Variants in NPLOC4 observed in about 807,000 individuals in gnomAD.
NPLOC4 encodes NPL4 homolog, ubiquitin recognition factor.
Under a neutral mutation model 80.6 loss-of-function variants are expected in NPLOC4, and 18 were observed. That is an observed-to-expected ratio of 0.22 (90% CI 0.15 to 0.33). The LOEUF is 0.33. Ranked by LOEUF, NPLOC4 falls within the 10% of genes least tolerant of loss-of-function variation. The probability of loss-of-function intolerance (pLI) is 1.00; values close to 1 mark genes in which losing one functional copy is unlikely to be tolerated. For missense variants in NPLOC4, 540 were observed against 786.1 expected (o/e 0.69, Z 3.74); for synonymous variants, 313 against 301.5 (o/e 1.04, Z -0.39).
intron 9 of NPLOC4, among the ~76,000 whole-genome samples, chr17:81,599,727 C>T (rs1361118301): frequency 6.6e-6 from 1 of 152,190 alleles, no homozygotes; most frequent in African/African-American, 2.4e-5. Context: ...TTCCTGGGAA[C>T]TGTATCAATG....
At chr17:81,620,307 C>A (rs1441678233) in intron 3 of NPLOC4, among the ~76,000 whole-genome samples, 8 of 152,002 alleles carry the variant, frequency 5.3e-5, no homozygotes. Flanking sequence ...ACCAGCTTGG[C>A]CAACTTAGTG....
At chr17:81,565,425 C>G in intron 16 of NPLOC4, 80 bp downstream of exon 16, 1 of 1,211,344 alleles carries the variant, frequency 8.3e-7, no homozygotes, top group Non-Finnish European at 1.2e-6. Flanking sequence ...AGGGCACCAC[C>G]GGCAGTGGGG....
chr17:81,563,702 G>T (rs570880218), intron 16 of NPLOC4: 8 of 305,570 alleles, frequency 2.6e-5, no homozygotes, highest in African/African-American at 1.4e-4. Context: ...GAATGCTTGA[G>T]GCCAAAGTTT....
intron 9 of NPLOC4, among the ~76,000 whole-genome samples, chr17:81,599,746 A>G (rs1258309370): frequency 6.6e-6 from 1 of 152,234 alleles, no homozygotes; most frequent in Non-Finnish European, 1.5e-5. Context: ...TGTCAGATAA[A>G]CCAGATCAAT....
chr17:81,609,106 C>T (rs1326795082), intron 5 of NPLOC4, among the ~76,000 whole-genome samples: 1 of 152,188 alleles, frequency 6.6e-6, no homozygotes, highest in African/African-American at 2.4e-5. Flanking sequence ...CTACAACCTC[C>T]ACCTCTGGGT....
intron 10 of NPLOC4, 52 bp downstream of exon 10, chr17:81,597,193 C>T (rs1157471489): frequency 7.3e-7 from 1 of 1,368,560 alleles, no homozygotes; most frequent in Non-Finnish European, 1.0e-6. Context: ...CAGGCCAACA[C>T]CATCTGTAAC....
At chr17:81,629,192 C>CATTT (rs1555689221) in intron 2 of NPLOC4, among the ~76,000 whole-genome samples, 1 of 115,784 alleles carries the variant, frequency 8.6e-6, no homozygotes, top group Non-Finnish European at 1.7e-5. Flanking sequence ...TTATGAAATA[C>CATTT]TTTTTTTTTT....
rs777277805 is a variant in NPLOC4, at chr17:81,606,825, G to C, written c.531-11C>G. The C allele has an allele frequency of 1.3e-4, 207 of 1,575,904 alleles. No individual in the cohort carries two copies. The highest frequency in any genetic ancestry group is 1.8e-4 in the Non-Finnish European group (205 of 1,157,722). ...GCAACAAACTTCCCCCTACATAGAA[G>C]AGAAGCAACTTAAACATCACATTGG... On this transcript the variant is annotated splice_polypyrimidine_tract_variant and intron_variant, in intron 6 of 16. Transcript: ENST00000331134.
chr17:81,583,199 T>G (rs2034491010), intron 12 of NPLOC4, among the ~76,000 whole-genome samples: 1 of 152,260 alleles, frequency 6.6e-6, no homozygotes, highest in Admixed American at 6.5e-5. Flanking sequence ...TCCCCAGCAA[T>G]TCTATTTTGA....
At chr17:81,563,759 T>G in intron 16 of NPLOC4, 1 of 347,162 alleles carries the variant, frequency 2.9e-6, no homozygotes, top group Middle Eastern at 9.7e-4. Flanking sequence ...TACAAAAATA[T>G]TAAAAAATTT....
At chr17:81,618,313 C>T (rs1303513500) in intron 3 of NPLOC4, among the ~76,000 whole-genome samples, 7 of 151,710 alleles carry the variant, frequency 4.6e-5, no homozygotes, top group South Asian at 2.1e-4. Context: ...CCCGCCGCCC[C>T]GTCTGGGATG....
chr17:81,634,679 G>C (rs570602470), intron 1 of NPLOC4, among the ~76,000 whole-genome samples: 1 of 151,286 alleles, frequency 6.6e-6, no homozygotes, highest in East Asian at 2.0e-4. Flanking sequence ...TCCACCTCCC[G>C]GGTTTGAGCG....
At chr17:81,579,257 AATC>A (rs1349263693) in intron 12 of NPLOC4, among the ~76,000 whole-genome samples, 6 of 152,228 alleles carry the variant, frequency 3.9e-5, no homozygotes, top group Non-Finnish European at 7.3e-5. Flanking sequence ...GGGCGCCTGT[AATC>A]CCAAGTACCT....
chr17:81,593,877 C>T (rs753293094), intron 11 of NPLOC4, among the ~76,000 whole-genome samples: 7 of 152,102 alleles, frequency 4.6e-5, no homozygotes, highest in Non-Finnish European at 1.0e-4. Context: ...CCAGGGTGCC[C>T]TAACAGGTTC....
chr17:81,582,217 G>C (rs2034461142), intron 12 of NPLOC4, among the ~76,000 whole-genome samples: 1 of 152,230 alleles, frequency 6.6e-6, no homozygotes, highest in South Asian at 2.1e-4. Context: ...GCACAACCAG[G>C]AGGGCCGTGA....
chr17:81,612,611 G>A (rs2035368907), intron 4 of NPLOC4: 1 of 152,304 alleles, frequency 6.6e-6, no homozygotes, highest in Admixed American at 6.5e-5. Flanking sequence ...ACAGAGTGAT[G>A]CATTTTAAAA....
chr17:81,593,737 G>A (rs945534663), intron 11 of NPLOC4, among the ~76,000 whole-genome samples: 6 of 150,672 alleles, frequency 4.0e-5, no homozygotes, highest in Admixed American at 1.3e-4. Flanking sequence ...TAAATACAAC[G>A]CTGGCCAGGC....
At chr17:81,610,013 A>G in intron 5 of NPLOC4, among the ~76,000 whole-genome samples, 197 bp downstream of exon 5, 1 of 152,318 alleles carries the variant, frequency 6.6e-6, no homozygotes, top group East Asian at 1.9e-4. Context: ...ATCCAGCGAG[A>G]AGGTCACTCC....
At chr17:81,582,367 G>A (rs576503007) in intron 12 of NPLOC4, among the ~76,000 whole-genome samples, 5 of 152,346 alleles carry the variant, frequency 3.3e-5, no homozygotes, top group Admixed American at 6.5e-5. Context: ...GGAAGCAGCT[G>A]AACACCTAAG....
Sources: gnomAD v4.1 joint callset for allele counts (sites outside exome capture counted in the v4.1 genomes callset) on GRCh38, gnomAD v4.1.1 for gene constraint, MANE v1.5 for transcripts, NCBI Gene and HGNC (gene_info 2026-07-23, HGNC 2026-07-21) for gene names.